FRMPD4: variants seen among roughly 807,000 people sequenced by gnomAD.
FRMPD4 encodes FERM and PDZ domain containing 4.
In FRMPD4, 22 loss-of-function variants were observed where a neutral mutation model predicts 94.1. The observed-to-expected ratio is 0.23, with a 90% CI of 0.17 to 0.33. The LOEUF (loss-of-function observed/expected upper bound fraction) is 0.33. Among genes scored for constraint, FRMPD4 ranks in the 10% least tolerant of loss-of-function variants. The probability of loss-of-function intolerance (pLI) is 1.00; values close to 1 mark genes in which losing one functional copy is unlikely to be tolerated. For synonymous variants in FRMPD4, 631 were observed against 548.6 expected, an observed-to-expected ratio of 1.15 and a Z score of -2.10; for missense variants, 1,111 against 1,339.9, an observed-to-expected ratio of 0.83 and a Z score of 2.67.
At chrX:11,962,504 C>T (rs914217716) in intron 3 of FRMPD4, among the ~76,000 whole-genome samples, 5 of 111,837 alleles carry the variant, frequency 4.5e-5, no homozygotes, top group African/African-American at 9.7e-5. Context: ...TTTAGAGAAA[C>T]GCATGCATTC....
At chrX:12,336,360 A>G (rs1315094554) in intron 1 of FRMPD4, among the ~76,000 whole-genome samples, 4 of 112,052 alleles carry the variant, frequency 3.6e-5, no homozygotes, top group South Asian at 7.5e-4. Context: ...GGCCTTGCCA[A>G]ACCTCATCTT....
At chrX:12,119,751 G>C (rs1451806539) in intron 3 of FRMPD4, among the ~76,000 whole-genome samples, 2 of 112,529 alleles carry the variant, frequency 1.8e-5, no homozygotes, top group Non-Finnish European at 3.8e-5. Flanking sequence ...ACATGGGTTT[G>C]AATGATAACA....
chrX:12,687,113 C>G (rs956284383), intron 7 of FRMPD4, among the ~76,000 whole-genome samples: 2 of 111,821 alleles, frequency 1.8e-5, no homozygotes, highest in African/African-American at 3.3e-5. Flanking sequence ...AGACCTCACA[C>G]ATAGAAGCAT....
chrX:11,897,803 T>A (rs958070394), intron 3 of FRMPD4, among the ~76,000 whole-genome samples: 1 of 111,780 alleles, frequency 8.9e-6, no homozygotes, highest in Non-Finnish European at 1.9e-5. Context: ...GTATAACTAA[T>A]GAACAAAATC....
chrX:12,163,193 G>A (rs956333867), intron 1 of FRMPD4, among the ~76,000 whole-genome samples: 1 of 110,726 alleles, frequency 9.0e-6, no homozygotes, highest in Non-Finnish European at 1.9e-5. Flanking sequence ...CAGTACGTGG[G>A]TAGCCTGCAA....
intron 3 of FRMPD4, among the ~76,000 whole-genome samples, chrX:12,033,048 C>T (rs1046267422): frequency 8.9e-6 from 1 of 112,227 alleles, no homozygotes; most frequent in African/African-American, 3.2e-5. Context: ...TTAAGGCTGA[C>T]TACCTTCATT....
intron 1 of FRMPD4, among the ~76,000 whole-genome samples, chrX:12,329,224 G>A (rs758990800): frequency 8.9e-6 from 1 of 112,025 alleles, no homozygotes; most frequent in South Asian, 3.7e-4. Flanking sequence ...GTGTGGGGCA[G>A]AACCCTCTCT....
intron 1 of FRMPD4, among the ~76,000 whole-genome samples, chrX:12,222,994 T>C (rs1037667909): frequency 8.9e-6 from 1 of 112,372 alleles, no homozygotes; most frequent in African/African-American, 3.2e-5. Flanking sequence ...TTTTTATATC[T>C]CTTGGGTAAA....
chrX:12,679,371 G>T (rs1446435710), intron 5 of FRMPD4, among the ~76,000 whole-genome samples: 1 of 111,801 alleles, frequency 8.9e-6, no homozygotes, highest in Non-Finnish European at 1.9e-5. Flanking sequence ...ATATGAGAGG[G>T]AGCACCAGGG....
chrX:12,012,103 G>C (rs1372030780), intron 3 of FRMPD4, among the ~76,000 whole-genome samples: 1 of 110,929 alleles, frequency 9.0e-6, no homozygotes, highest in Non-Finnish European at 1.9e-5. Flanking sequence ...GTTTCACCAT[G>C]TTGGCCAGGA....
At chrX:12,658,561 C>T (rs910382189) in intron 4 of FRMPD4, among the ~76,000 whole-genome samples, 3 of 112,126 alleles carry the variant, frequency 2.7e-5, no homozygotes, top group Non-Finnish European at 5.6e-5. Context: ...GTCATTTGTT[C>T]TAAACCATGG....
chrX:12,290,872 A>G (rs2054676093), intron 1 of FRMPD4, among the ~76,000 whole-genome samples: 1 of 111,163 alleles, frequency 9.0e-6, no homozygotes, highest in Non-Finnish European at 1.9e-5. Context: ...AATCGGAAAA[A>G]AAAAAATCCC....
chrX:11,968,814 T>A, intron 3 of FRMPD4, among the ~76,000 whole-genome samples: 1 of 112,354 alleles, frequency 8.9e-6, no homozygotes, highest in South Asian at 3.7e-4. Context: ...TTGTTATTAC[T>A]GTCAGGTGCA....
chrX:12,577,486 G>C (rs1354457217), intron 2 of FRMPD4, among the ~76,000 whole-genome samples: 2 of 110,823 alleles, frequency 1.8e-5, no homozygotes, highest in African/African-American at 6.6e-5. Context: ...GGCAGTGTGG[G>C]CAAGGAGATG....
At chrX:11,881,972 G>C (rs2053816146) in intron 3 of FRMPD4, among the ~76,000 whole-genome samples, 1 of 111,455 alleles carries the variant, frequency 9.0e-6, no homozygotes, top group Admixed American at 9.6e-5. Flanking sequence ...AGTTACAAAA[G>C]TATCCGGGTG....
chrX:11,984,504 G>T, intron 3 of FRMPD4, among the ~76,000 whole-genome samples: 1 of 112,563 alleles, frequency 8.9e-6, no homozygotes, highest in African/African-American at 3.2e-5. Context: ...GCTCTTGTCT[G>T]CAGCTGATCT....
rs769623434 is a variant in FRMPD4, at chrX:12,047,866, C to T, written c.95+169848C>T. Among the ~76,000 whole-genome samples, 7 of 112,428 alleles carry T rather than the reference C, an allele frequency of 6.2e-5. No individual in the cohort carries two copies. The South Asian group carries it at 1.1e-3, about 18-fold the overall frequency. ...GCTGCATAGTATTCCATGACGTATA[C>T]GTATGTACCACATTTTCTTTATCCA... On this transcript the variant is annotated intron_variant, in intron 3 of 18. Transcript: ENST00000640291.
At chrX:12,249,724 C>A (rs2054007279) in intron 1 of FRMPD4, among the ~76,000 whole-genome samples, 1 of 111,556 alleles carries the variant, frequency 9.0e-6, no homozygotes, top group Non-Finnish European at 1.9e-5. Flanking sequence ...ACCATTTGGG[C>A]AGTTTTCAGA....
intron 2 of FRMPD4, among the ~76,000 whole-genome samples, chrX:12,537,710 C>T (rs373032233): frequency 9.1e-6 from 1 of 109,747 alleles, no homozygotes; most frequent in African/African-American, 3.3e-5. Context: ...CGCATCCCCC[C>T]ATTCCCCACC....
Sources: allele counts gnomAD v4.1 joint callset (sites outside exome capture counted in the v4.1 genomes callset), GRCh38; gene constraint gnomAD v4.1.1; transcripts MANE v1.5; gene names NCBI Gene and HGNC (gene_info 2026-07-23, HGNC 2026-07-21).